The following NCAPD3 variants were observed in gnomAD, a reference collection of about 807,000 sequenced individuals.
NCAPD3 encodes non-SMC condensin II complex subunit D3.
In NCAPD3, 105 loss-of-function variants were observed where a neutral mutation model predicts 182.9. That is an observed-to-expected ratio of 0.57 (90% CI 0.49 to 0.68). The LOEUF (loss-of-function observed/expected upper bound fraction) is 0.68, where lower values mean the gene tolerates loss of function less well. Among genes scored for constraint, NCAPD3 ranks in the 30% least tolerant of loss-of-function variants. NCAPD3 has a pLI of 0.00. For missense variants in NCAPD3, 1,944 were observed against 1,837.0 expected (o/e 1.06, Z -1.07); for synonymous variants, 815 against 679.9 (o/e 1.20, Z -3.09).
intron 2 of NCAPD3, among the ~76,000 whole-genome samples, chr11:134,217,630 T>C (rs758955006): frequency 2.0e-5 from 3 of 152,234 alleles, no homozygotes; most frequent in Non-Finnish European, 4.4e-5. Flanking sequence ...GTATTAATTC[T>C]ATCTTCATTC....
chr11:134,160,024 G>C lies in NCAPD3; in HGVS notation c.3735C>G (p.Asp1245Glu), dbSNP rs868317026. The C allele has an allele frequency of 6.2e-7, 1 of 1,614,116 alleles. No homozygotes were observed. Among genetic ancestry groups the C allele is most frequent in the Non-Finnish European group, 8.5e-7 (1 of 1,180,032 alleles). Residue 1245 changes from aspartate to glutamate, a missense_variant, in exon 29 of 35, where the codon GAC (aspartate) becomes GAG (glutamate). Physicochemically the swap from Asp to Glu is conservative, Grantham distance 45. This residue lies in a region of NCAPD3 where 1,803 missense variants were observed against 1,674.6 expected (regional missense o/e 1.08). Coordinates refer to ENST00000534548, the MANE Select transcript of NCAPD3 (RefSeq NM_015261.3). Reference sequence around the variant, plus strand: ...ACTCAAGCTCTGATGCCAGCTGTTTGTCAACTGCAAAGAAGTCCTTGAGCT... The same window carrying C: ...ACTCAAGCTCTGATGCCAGCTGTTTCTCAACTGCAAAGAAGTCCTTGAGCT... Reference protein sequence around the residue: ...RDELKDFFAVDKQLASELEYD... With the variant: ...RDELKDFFAVEKQLASELEYD...
At position 134,161,835 on chromosome 11, in the gene NCAPD3, A is replaced by G; in HGVS notation, c.3630T>C (p.Thr1210=). 6.3e-7 allele frequency: 1 copy of G among 1,595,248 alleles called. No individual in the cohort carries two copies. The highest frequency in any genetic ancestry group is 8.6e-7 in the Non-Finnish European group (1 of 1,166,128). The change falls in exon 28 of 35, where the codon ACT becomes ACC. Residue 1210 remains threonine (T), a synonymous_variant. Transcript: ENST00000534548. ...CTGGGATCTTATTTTTCTCCAGCAC[A>G]GTCTTCAGGGAGATGATAATTGGAA... ...NIIPIIISLK[T]VLEKNKIPAL... is the part of the protein sequence containing the mutation.
intron 15 of NCAPD3, 107 bp downstream of exon 15, chr11:134,193,909 T>C (rs962095041): frequency 5.2e-6 from 6 of 1,162,728 alleles, no homozygotes; most frequent in Middle Eastern, 2.6e-4. Context: ...GTGGACTTAG[T>C]AGAGTTTTTA....
chr11:134,223,985 G>C, upstream of NCAPD3: 7 of 1,588,210 alleles, frequency 4.4e-6, no homozygotes, highest in Non-Finnish European at 6.0e-6. Context: ...GCTCCCGCGC[G>C]CGCGCCGAGT....
At position 134,184,649 on chromosome 11, in the gene NCAPD3, T is replaced by C. The variant is rs1185181502; in HGVS notation, c.2439A>G (p.Pro813=). 6.2e-7 allele frequency: 1 copy of C among 1,610,564 alleles called. No individual in the cohort carries two copies. The highest frequency in any genetic ancestry group is 1.7e-5 in the Admixed American group (1 of 59,562). Residue 813 remains proline, a synonymous_variant, in exon 19 of 35, where the codon CCA becomes CCG. Transcript: ENST00000534548. ...AGTCTGGCCATACCTGCTCCTCTGC[T>C]GGTGTCTCTGCAGATGCTCTACAAA... ...QRLCRASAET[P]AEEQELLTQV... is the part of the protein sequence containing the mutation.
At chr11:134,209,722 T>C in intron 4 of NCAPD3, 1 of 417,826 alleles carries the variant, frequency 2.4e-6, no homozygotes, top group Non-Finnish European at 4.2e-6. Flanking sequence ...TTTTCAGAAT[T>C]TTTGCTGTCT....
Position 134,168,525 on chromosome 11 carries a change from T to G in NCAPD3, c.3317A>C (p.His1106Pro). 1 of 1,614,244 alleles carries G rather than the reference T, an allele frequency of 6.2e-7. No homozygotes were observed. Among genetic ancestry groups the G allele is most frequent in the South Asian group, 1.1e-5 (1 of 91,086 alleles). ...RMKIYKFLLE[H>P]FTDEQRFNIT... Reference sequence around the variant, plus strand: ...GTTGAATCGCTGTTCATCTGTGAAGTGCTCTAGAAGAAATTTGTAGATTTT... The same window carrying G: ...GTTGAATCGCTGTTCATCTGTGAAGGGCTCTAGAAGAAATTTGTAGATTTT... Residue 1106 changes from histidine to proline, a missense_variant, in exon 26 of 35, where the codon CAC (histidine) becomes CCC (proline). This residue lies in a region of NCAPD3 where 1,803 missense variants were observed against 1,674.6 expected (regional missense o/e 1.08). Transcript: ENST00000534548.
chr11:134,155,559 G>A lies in NCAPD3; in HGVS notation c.4252+1459C>T, dbSNP rs893297603. The stretch of plus-strand genomic sequence containing the variant: ...AAAGCGTGGCTCCACACAGGCAGAT[G>A]AGGGCGGCATGAACCCTCCACGCCA... On this transcript the variant is annotated intron_variant, in intron 32 of 34. Coordinates refer to ENST00000534548, the MANE Select transcript of NCAPD3 (RefSeq NM_015261.3). 3.9e-5 allele frequency among the ~76,000 whole-genome samples: 6 copies of A among 152,186 alleles called. No individual in the cohort carries two copies. The South Asian group carries it at 1.0e-3, about 26-fold the overall frequency.
At chr11:134,220,806 C>A in intron 1 of NCAPD3, 80 bp from the exon 2 acceptor site, 1 of 1,388,228 alleles carries the variant, frequency 7.2e-7, no homozygotes, top group South Asian at 1.4e-5. Flanking sequence ...CAGGTGTGTT[C>A]AAGAGGAGAA....
intron 8 of NCAPD3, among the ~76,000 whole-genome samples, chr11:134,205,472 C>T (rs182373619): frequency 4.4e-3 from 659 of 150,364 alleles, no homozygotes; most frequent in Non-Finnish European, 6.5e-3. Context: ...CTTCCCCCAC[C>T]GGGTTCAAGA....
At chr11:134,159,818 CCAGA>C (rs35319036) in intron 29 of NCAPD3, 70 bp downstream of exon 29, 61,216 of 1,466,140 alleles carry the variant, frequency 0.042, 1,476 homozygotes, top group Non-Finnish European at 0.049. Flanking sequence ...TTGAGAGGTG[CCAGA>C]CAAACGACAG....
Position 134,168,556 on chromosome 11 carries a change from GTCTC to G in NCAPD3, c.3282_3285del (p.Glu1094AspfsTer3), listed in dbSNP as rs770478006. On this transcript the variant is annotated frameshift_variant, in exon 26 of 35. Coordinates refer to ENST00000534548, the MANE Select transcript of NCAPD3 (RefSeq NM_015261.3). LOFTEE classifies it high-confidence loss of function. The stretch of plus-strand genomic sequence containing the variant: ...AGAAGAAATTTGTAGATTTTCATTC[GTCTC>G]TCTTTGTTTGACTTTCCCTTCAATG... 2.4e-5 allele frequency: 38 copies of G among 1,613,978 alleles called. No homozygotes were observed. Among genetic ancestry groups the G allele is most frequent in the Non-Finnish European group, 3.0e-5 (35 of 1,180,010 alleles).
intron 11 of NCAPD3, 52 bp downstream of exon 11, chr11:134,203,602 T>C: frequency 1.3e-6 from 2 of 1,586,660 alleles, no homozygotes; most frequent in East Asian, 2.2e-5. Context: ...TTGCAGTCTA[T>C]TTCTCAATGA....
At chr11:134,191,283 A>C (rs1944517770) in intron 16 of NCAPD3, among the ~76,000 whole-genome samples, 1 of 152,206 alleles carries the variant, frequency 6.6e-6, no homozygotes, top group African/African-American at 2.4e-5. Context: ...GAAAATAAGA[A>C]GAGTTGCCAT....
At chr11:134,176,500 A>G (rs1225717414) in intron 23 of NCAPD3, 114 bp from the exon 24 acceptor site, 7 of 788,378 alleles carry the variant, frequency 8.9e-6, no homozygotes, top group Non-Finnish European at 1.5e-5. Context: ...GGCTGAGTGC[A>G]CAGGCACACA....
chr11:134,200,005 A>G (rs1413023683), intron 13 of NCAPD3, among the ~76,000 whole-genome samples: 1 of 152,228 alleles, frequency 6.6e-6, no homozygotes, highest in Non-Finnish European at 1.5e-5. Flanking sequence ...GTGAAGGAAC[A>G]GGCTGAAAGA....
chr11:134,173,193 G>A (rs1476994076), intron 24 of NCAPD3: 4 of 152,858 alleles, frequency 2.6e-5, no homozygotes, highest in Non-Finnish European at 5.9e-5. Flanking sequence ...GAGGAGCTGT[G>A]ACTACTGAGG....
chr11:134,202,570 G>A (rs1374593491), intron 13 of NCAPD3, among the ~76,000 whole-genome samples: 1 of 151,614 alleles, frequency 6.6e-6, no homozygotes, highest in Non-Finnish European at 1.5e-5. Flanking sequence ...TTTAAGAGAT[G>A]GGGTCTTGAT....
chr11:134,168,232 A>C lies in NCAPD3; in HGVS notation c.3374-37T>G, dbSNP rs138941925. The C allele has an allele frequency of 1.1e-5, 18 of 1,586,946 alleles. No homozygotes were observed. The African/African-American group carries it at 2.0e-4, about 18-fold the overall frequency. ...AGAGAGAGAAAAACGTGAGCTTCTG[A>C]GAAATGCTCTGGCCCAGAGAGGAGG... On this transcript the variant is annotated intron_variant, in intron 26 of 34. Transcript: ENST00000534548.
Sources: allele counts gnomAD v4.1 joint callset (sites outside exome capture counted in the v4.1 genomes callset), GRCh38; gene constraint gnomAD v4.1.1; regional missense constraint gnomAD v4.1.1; transcripts MANE v1.5; gene names NCBI Gene and HGNC (gene_info 2026-07-23, HGNC 2026-07-21).